Variants in KRABD3 observed in about 807,000 individuals in gnomAD.
KRABD3 encodes the protein KRAB domain containing 3.
the KRABD3 span, chr7:149,733,724 C>G: frequency 6.3e-6 from 10 of 1,582,072 alleles, no homozygotes; most frequent in African/African-American, 1.2e-4. Flanking sequence ...GGCAGAACCT[C>G]CTGGGCTCCA....
the KRABD3 span, chr7:149,725,778 A>G: frequency 9.5e-7 from 1 of 1,049,462 alleles, no homozygotes; most frequent in Non-Finnish European, 1.3e-6. Flanking sequence ...GGGAAACCCT[A>G]GTGGGAGATA....
chr7:149,717,265 C>T, the KRABD3 span, among the ~76,000 whole-genome samples: 1 of 152,224 alleles, frequency 6.6e-6, no homozygotes, highest in Admixed American at 6.5e-5. Flanking sequence ...GTGTGGCACA[C>T]ACCACGTCAT....
At chr7:149,728,748 G>A in the KRABD3 span, 1 of 1,480,114 alleles carries the variant, frequency 6.8e-7, no homozygotes, top group Non-Finnish European at 9.1e-7. Flanking sequence ...GCACCTGTGG[G>A]CTCAGATCTG....
chr7:149,720,004 C>T, the KRABD3 span: 1 of 1,542,426 alleles, frequency 6.5e-7, no homozygotes, highest in Non-Finnish European at 8.7e-7. Context: ...CTCTTCTTTC[C>T]CAGGGACAGC....
chr7:149,723,263 G>A, the KRABD3 span, among the ~76,000 whole-genome samples: 1 of 152,234 alleles, frequency 6.6e-6, no homozygotes, highest in African/African-American at 2.4e-5. Context: ...ATGATGCATG[G>A]GGTGGGCTTG....
chr7:149,724,701 C>T, the KRABD3 span: 3,203 of 1,548,970 alleles, frequency 2.1e-3, 61 homozygotes, highest in African/African-American at 0.039. Flanking sequence ...TTGGAGCTGG[C>T]GGTCTGCTCT....
chr7:149,729,364 C>A, the KRABD3 span: 9 of 1,493,600 alleles, frequency 6.0e-6, no homozygotes, highest in Non-Finnish European at 8.0e-6. Context: ...GAGGTGGCTC[C>A]CAGAGGGTGA....
chr7:149,723,333 G>C, the KRABD3 span, among the ~76,000 whole-genome samples: 1 of 152,212 alleles, frequency 6.6e-6, no homozygotes, highest in Non-Finnish European at 1.5e-5. Context: ...ACCCGGAGAG[G>C]CTCCTGATGC....
the KRABD3 span, chr7:149,726,005 C>T: frequency 6.2e-7 from 1 of 1,612,950 alleles, no homozygotes; most frequent in South Asian, 1.1e-5. Context: ...GCAGCACCGA[C>T]TGGGACCTGG....
At chr7:149,723,615 T>C in the KRABD3 span, 5 of 967,990 alleles carry the variant, frequency 5.2e-6, no homozygotes, top group Admixed American at 2.7e-5. Context: ...AGCGAGCCAC[T>C]GGAAGAGCCT....
chr7:149,719,822 C>CG, the KRABD3 span: 1 of 1,231,396 alleles, frequency 8.1e-7, no homozygotes, highest in East Asian at 2.6e-5. This position sits in a 1 kb window ranked among gnomAD's most constrained non-coding sequence, Gnocchi z 5.6. Flanking sequence ...GTCCCGGGAC[C>CG]GGGTTCTAGG....
the KRABD3 span, chr7:149,720,165 TC>T: frequency 6.5e-7 from 1 of 1,549,142 alleles, no homozygotes; most frequent in Non-Finnish European, 8.7e-7. Flanking sequence ...CTCCTCCCAC[TC>T]ATCGGTCCTC....
At chr7:149,717,280 T>C in the KRABD3 span, among the ~76,000 whole-genome samples, 1 of 152,180 alleles carries the variant, frequency 6.6e-6, no homozygotes, top group Non-Finnish European at 1.5e-5. Flanking sequence ...CGTCATTTGC[T>C]CAGCCTAGGC....
At chr7:149,715,145 C>T in the KRABD3 span, 5 of 1,230,116 alleles carry the variant, frequency 4.1e-6, no homozygotes, top group South Asian at 8.2e-5. Context: ...TGGGACCCCC[C>T]CGCAACTTCG....
the KRABD3 span, among the ~76,000 whole-genome samples, chr7:149,716,258 G>A: frequency 1.3e-5 from 2 of 152,218 alleles, no homozygotes; most frequent in Non-Finnish European, 2.9e-5. Flanking sequence ...TTTTTGTGCT[G>A]GGCTAGTGAC....
chr7:149,734,068 TCTG>T, the KRABD3 span: 13 of 1,575,322 alleles, frequency 8.3e-6, no homozygotes, highest in Non-Finnish European at 1.1e-5. Flanking sequence ...CTTCTCCACA[TCTG>T]CTCGTTCTTG....
the KRABD3 span, among the ~76,000 whole-genome samples, chr7:149,717,066 G>C: frequency 6.6e-6 from 1 of 152,158 alleles, no homozygotes; most frequent in Non-Finnish European, 1.5e-5. Context: ...CCCGGTCTCT[G>C]GGTCCGGAAC....
chr7:149,716,308 A>G, the KRABD3 span, among the ~76,000 whole-genome samples: 1 of 152,218 alleles, frequency 6.6e-6, no homozygotes, highest in Admixed American at 6.5e-5. Flanking sequence ...GTGTGCAGCT[A>G]TGAGCTAGGA....
At chr7:149,728,394 C>G in the KRABD3 span, 8 of 1,079,002 alleles carry the variant, frequency 7.4e-6, no homozygotes, top group East Asian at 1.7e-4. Context: ...AGGACTGACA[C>G]GTCCAGTGCT....
Sources: allele counts gnomAD v4.1 joint callset (sites outside exome capture counted in the v4.1 genomes callset), GRCh38; gene constraint gnomAD v4.1.1; non-coding constraint Gnocchi (gnomAD v3.1); transcripts MANE v1.5; gene names NCBI Gene and HGNC (gene_info 2026-07-23, HGNC 2026-07-21).